KMT2A: variants seen among roughly 807,000 people sequenced by gnomAD.
KMT2A encodes histone-lysine N-methyltransferase 2A.
Under a neutral mutation model 345.3 loss-of-function variants are expected in KMT2A, and 16 were observed. That is an observed-to-expected ratio of 0.05 (90% CI 0.03 to 0.07). The LOEUF (loss-of-function observed/expected upper bound fraction) is 0.07, where lower values mean the gene tolerates loss of function less well. KMT2A is among the 10% of genes least tolerant of loss of function. The pLI is 1.00. For missense variants in KMT2A, 3,272 were observed against 4,841.6 expected (o/e 0.68, Z 9.62); for synonymous variants, 1,599 against 1,778.6 (o/e 0.90, Z 2.54).
Position 118,484,364 on chromosome 11 carries a change from A to G in KMT2A, c.4218+50A>G. ...GTATATTGAGTGTCAAAGACTTTAAATAAAGAAAATGCTACTACCAAAGGT... is the reference window on the plus strand; with the variant it reads ...GTATATTGAGTGTCAAAGACTTTAAGTAAAGAAAATGCTACTACCAAAGGT... On this transcript the variant is annotated intron_variant, in intron 9 of 35. Coordinates refer to ENST00000534358, the MANE Select transcript of KMT2A (RefSeq NM_001197104.2). The surrounding 1 kb of genome is among the most constrained non-coding windows in gnomAD (Gnocchi z 4.1). 1.9e-6 allele frequency: 3 copies of G among 1,583,228 alleles called. No individual in the cohort carries two copies. Among genetic ancestry groups the G allele is most frequent in the Non-Finnish European group, 1.7e-6 (2 of 1,158,542 alleles).
At chr11:118,482,837 T>C (rs985151150) in intron 8 of KMT2A, among the ~76,000 whole-genome samples, 2 of 151,390 alleles carry the variant, frequency 1.3e-5, no homozygotes, top group African/African-American at 2.4e-5. Context: ...GAGGCTGAGA[T>C]AGAAGGATTG....
intron 10 of KMT2A, 112 bp from the exon 11 acceptor site, chr11:118,488,497 GAATTA>G (rs1241734804): frequency 2.0e-6 from 2 of 978,386 alleles, no homozygotes; most frequent in Non-Finnish European, 3.3e-6. Context: ...AATATGTATT[GAATTA>G]AATATATGCC....
chr11:118,482,234 T>C (rs1410369263), intron 7 of KMT2A, 142 bp downstream of exon 7: 5 of 1,044,844 alleles, frequency 4.8e-6, no homozygotes, highest in East Asian at 2.6e-5. Flanking sequence ...CTAACTATTA[T>C]GTTTAATAAT....
rs782782746 is a variant in KMT2A at position 118,468,747 on chromosome 11, A to C, written c.433-28A>C. 2.7e-5 allele frequency: 43 copies of C among 1,593,468 alleles called. 1 individual carries two copies. The South Asian group carries it at 4.5e-4, about 17-fold the overall frequency. ...GTTTGTATGCACGTTTTTGCTTCTG[A>C]TTTTAAAATAATTTTCCTTTGTTGT... On this transcript the variant is annotated intron_variant, in intron 1 of 35. Coordinates refer to ENST00000534358, the MANE Select transcript of KMT2A (RefSeq NM_001197104.2).
At chr11:118,506,894 T>A (rs1396687372) in intron 27 of KMT2A, among the ~76,000 whole-genome samples, 5 of 152,184 alleles carry the variant, frequency 3.3e-5, no homozygotes, top group Non-Finnish European at 7.3e-5. Flanking sequence ...TCAAACAGTG[T>A]TGCTGTTTGT....
At chr11:118,487,523 T>G (rs1555041201) in intron 10 of KMT2A, among the ~76,000 whole-genome samples, 1 of 152,166 alleles carries the variant, frequency 6.6e-6, no homozygotes, top group East Asian at 1.9e-4. Context: ...ATTCCCTAAG[T>G]GTTAATATGT....
chr11:118,508,283 T>C (rs1012885414), intron 28 of KMT2A, among the ~76,000 whole-genome samples: 1 of 152,248 alleles, frequency 6.6e-6, no homozygotes, highest in Non-Finnish European at 1.5e-5. Context: ...GTTCTGTATT[T>C]GGTTTTTCAC....
At position 118,519,951 on chromosome 11, in the gene KMT2A, C is replaced by A. The variant is rs1950921220; in HGVS notation, c.11322-6C>A. On this transcript the variant is annotated splice_region_variant and splice_polypyrimidine_tract_variant and intron_variant, in intron 32 of 35. Transcript: ENST00000534358. The stretch of plus-strand genomic sequence containing the variant: ...CTCTAAATATGTTTTAATCTTTTGG[C>A]CCCAGGAAGTCAGCATTTGACATGT... The A allele has an allele frequency of 5.0e-6, 8 of 1,608,100 alleles. No homozygotes were observed. Among genetic ancestry groups the A allele is most frequent in the Non-Finnish European group, 6.8e-6 (8 of 1,175,184 alleles).
At position 118,495,664 on chromosome 11, in the gene KMT2A, A is replaced by G; in HGVS notation, c.5364-36A>G. ...TATACAGTTCTAGGTATACTGTAGG[A>G]GTTCAATAAATGCTTGTTGAATCAA... On this transcript the variant is annotated intron_variant, in intron 18 of 35. Transcript: ENST00000534358. This position sits in a 1 kb window ranked among gnomAD's most constrained non-coding sequence, Gnocchi z 4.1. 1 of 1,513,782 alleles carries G rather than the reference A, an allele frequency of 6.6e-7. No individual in the cohort carries two copies. The highest frequency in any genetic ancestry group is 1.2e-5 in the South Asian group (1 of 83,698). 93.8% of individuals were successfully genotyped at this position (1,513,782 alleles called of 1,614,324 possible).
At chr11:118,437,545 C>T (rs1555139048) in intron 1 of KMT2A, among the ~76,000 whole-genome samples, 2 of 150,662 alleles carry the variant, frequency 1.3e-5, no homozygotes, top group African/African-American at 2.5e-5. Context: ...ACCCTCTACC[C>T]CCACCCCAAG....
Position 118,473,156 on chromosome 11 carries a change from G to A in KMT2A, c.1997G>A (p.Gly666Asp). Reference protein sequence around the residue: ...LTPEDVGFASGFSASGTAASA... With the variant: ...LTPEDVGFASDFSASGTAASA... ...CCCGAGGACGTTGGCTTTGCATCTG[G>A]TTTTTCTGCATCTGGTACCGCTGCT... Residue 666 changes from glycine (G) to aspartate (D), a missense_variant, in exon 3 of 36, where the codon GGT (glycine) becomes GAT (aspartate). Gly to Asp is a moderately conservative substitution (Grantham distance 94). Around this residue, in one of 27 missense-constraint regions of KMT2A, gnomAD observed 114 missense variants for 203.2 expected, o/e 0.56. Transcript: ENST00000534358. The surrounding 1 kb of genome is among the most constrained non-coding windows in gnomAD (Gnocchi z 5.2). The A allele has an allele frequency of 6.2e-7, 1 of 1,614,064 alleles. No homozygotes were observed. The highest frequency in any genetic ancestry group is 8.5e-7 in the Non-Finnish European group (1 of 1,180,028).
rs782706061 is a variant in KMT2A at position 118,472,716 on chromosome 11, A to G, written c.1557A>G (p.Pro519=). 3.7e-6 allele frequency: 6 copies of G among 1,613,648 alleles called. No homozygotes were observed. The South Asian group carries it at 6.6e-5, about 18-fold the overall frequency. Residue 519 remains proline, a synonymous_variant, in exon 3 of 36, where the codon CCA becomes CCG. Transcript: ENST00000534358. ...CTCCACTGCCCATTTCCCAGTCCCC[A>G]GAAAATGAGAGTAATGATAGGAGAA... ...VHPPLPISQS[P]ENESNDRRSR...
chr11:118,507,873 G>A, intron 28 of KMT2A: 1 of 358,892 alleles, frequency 2.8e-6, no homozygotes, highest in East Asian at 5.5e-5. Context: ...TGAGGCAGGA[G>A]AAGGGCGTGA....
In KMT2A at chr11:118,520,754, A is replaced by C. The variant is rs782037174; in HGVS notation, c.11430-48A>C. 14 of 1,399,964 alleles carry C rather than the reference A, an allele frequency of 1.0e-5. No individual in the cohort carries two copies. The highest frequency in any genetic ancestry group is 1.2e-5 in the Non-Finnish European group (12 of 984,972). 86.7% of individuals were successfully genotyped at this position (1,399,964 alleles called of 1,614,324 possible). On this transcript the variant is annotated intron_variant, in intron 33 of 35. Transcript: ENST00000534358. The surrounding 1 kb of genome is among the most constrained non-coding windows in gnomAD (Gnocchi z 4.3). ...AGGAACCTTCGATTCAAGACTCAAA[A>C]CATTATTTCCTGAAAAAAATTCGTT...
intron 2 of KMT2A, among the ~76,000 whole-genome samples, chr11:118,469,335 A>T (rs1266002563): frequency 1.3e-5 from 2 of 152,142 alleles, no homozygotes; most frequent in Admixed American, 1.3e-4. Flanking sequence ...GGTAGTGTAT[A>T]TGTCTTTGGG....
chr11:118,488,366 T>C (rs1950265696), intron 10 of KMT2A: 3 of 497,396 alleles, frequency 6.0e-6, no homozygotes, highest in Non-Finnish European at 3.7e-6. Flanking sequence ...TAGCATGTTC[T>C]GTTAAATCTT....
chr11:118,440,300 A>G (rs1420510158), intron 1 of KMT2A, among the ~76,000 whole-genome samples: 1 of 152,210 alleles, frequency 6.6e-6, no homozygotes. Flanking sequence ...ATTAGGAAGT[A>G]GAATTGAGGT....
At chr11:118,446,951 A>T (rs1172094361) in intron 1 of KMT2A, among the ~76,000 whole-genome samples, 2 of 152,176 alleles carry the variant, frequency 1.3e-5, no homozygotes, top group Non-Finnish European at 2.9e-5. Context: ...CTGAACTATT[A>T]GGTGTTCTCC....
Position 118,504,325 on chromosome 11 carries a change from C to T in KMT2A, c.8433C>T (p.Arg2811=). The change falls in exon 27 of 36, where the codon CGC becomes CGT. Residue 2811 remains arginine (R), a synonymous_variant. Transcript: ENST00000534358. The surrounding 1 kb of genome is among the most constrained non-coding windows in gnomAD (Gnocchi z 6.4). ...EAQLSSLESS[R]RVHTSTPSDK... is the part of the protein sequence containing the mutation. ...AGCTCAGCTCATTGGAGTCAAGCCG[C>T]AGAGTCCACACAAGTACCCCCTCCG... 6.2e-7 allele frequency: 1 copy of T among 1,614,174 alleles called. No individual in the cohort carries two copies. The highest frequency in any genetic ancestry group is 8.5e-7 in the Non-Finnish European group (1 of 1,180,034).
Sources: allele counts gnomAD v4.1 joint callset (sites outside exome capture counted in the v4.1 genomes callset), GRCh38; gene constraint gnomAD v4.1.1; regional missense constraint gnomAD v4.1.1; non-coding constraint Gnocchi (gnomAD v3.1); transcripts MANE v1.5; gene names NCBI Gene and HGNC (gene_info 2026-07-23, HGNC 2026-07-21).